The following BLTP2 variants were observed in gnomAD, a reference collection of about 807,000 sequenced individuals.
The protein encoded by BLTP2 is bridge-like lipid transfer protein family member 2.
chr17:28,644,910 C>G, the BLTP2 span: 1 of 1,303,200 alleles, frequency 7.7e-7, no homozygotes. Context: ...CGCGCGCCCC[C>G]TCCTCAGTCT....
the BLTP2 span, among the ~76,000 whole-genome samples, chr17:28,631,221 G>A: frequency 6.0e-4 from 91 of 152,260 alleles, 5 homozygotes; most frequent in East Asian, 7.7e-3. Flanking sequence ...CAGAGCACTC[G>A]TGCACACTTG....
At chr17:28,616,312 C>G in the BLTP2 span, 1 of 1,611,362 alleles carries the variant, frequency 6.2e-7, no homozygotes, top group Non-Finnish European at 8.5e-7. This position sits in a 1 kb window ranked among gnomAD's most constrained non-coding sequence, Gnocchi z 4.8. Flanking sequence ...CCGAAGAAAT[C>G]CCAAGCCACA....
At chr17:28,642,403 G>A in the BLTP2 span, 2 of 1,360,260 alleles carry the variant, frequency 1.5e-6, no homozygotes, top group African/African-American at 1.4e-5. Flanking sequence ...TGTAACCCCA[G>A]CACTTTGGGA....
At chr17:28,618,279 T>A in the BLTP2 span, among the ~76,000 whole-genome samples, 2 of 151,618 alleles carry the variant, frequency 1.3e-5, no homozygotes, top group African/African-American at 2.4e-5. Context: ...AGAGACAGGG[T>A]CTCACTCTGT....
the BLTP2 span, among the ~76,000 whole-genome samples, chr17:28,636,523 CAA>C: frequency 6.6e-6 from 1 of 152,136 alleles, no homozygotes; most frequent in Non-Finnish European, 1.5e-5. Flanking sequence ...TTACCTACTT[CAA>C]AATAATCCCA....
At chr17:28,622,618 A>G in the BLTP2 span, among the ~76,000 whole-genome samples, 1 of 152,098 alleles carries the variant, frequency 6.6e-6, no homozygotes, top group African/African-American at 2.4e-5. Context: ...TAATCAATAG[A>G]CTCTCCAATA....
At chr17:28,634,808 G>A in the BLTP2 span, 1 of 1,613,704 alleles carries the variant, frequency 6.2e-7, no homozygotes, top group Non-Finnish European at 8.5e-7. Context: ...TTGCGGGCAG[G>A]CAACAACTCC....
chr17:28,641,044 TAG>T, the BLTP2 span, among the ~76,000 whole-genome samples: 1 of 152,224 alleles, frequency 6.6e-6, no homozygotes, highest in African/African-American at 2.4e-5. Context: ...AGGATTTAGT[TAG>T]AGAATATACA....
At chr17:28,642,834 T>C in the BLTP2 span, 4 of 1,214,336 alleles carry the variant, frequency 3.3e-6, no homozygotes, top group South Asian at 2.4e-5. Flanking sequence ...GAGGCAAGAA[T>C]AGGACGGCTA....
the BLTP2 span, chr17:28,639,014 C>T: frequency 1.7e-3 from 803 of 475,826 alleles, 8 homozygotes; most frequent in African/African-American, 0.015. Context: ...TGACTGCCAC[C>T]TTACAATCAA....
chr17:28,641,997 T>G, the BLTP2 span: 1 of 1,614,090 alleles, frequency 6.2e-7, no homozygotes, highest in Admixed American at 1.7e-5. Context: ...TCCACAGTGA[T>G]AGCAGTGAGA....
chr17:28,635,555 G>T, the BLTP2 span: 19 of 1,614,132 alleles, frequency 1.2e-5, no homozygotes, highest in Non-Finnish European at 1.6e-5. Context: ...TGCTGGTACA[G>T]GTACATGTGA....
At chr17:28,620,080 TAG>T in the BLTP2 span, 3 of 1,459,948 alleles carry the variant, frequency 2.1e-6, no homozygotes, top group South Asian at 3.8e-5. Context: ...TAAAGTGAAA[TAG>T]AGAAAGGAGA....
At chr17:28,616,930 G>C in the BLTP2 span, 1 of 1,613,956 alleles carries the variant, frequency 6.2e-7, no homozygotes, top group Admixed American at 1.7e-5. The surrounding 1 kb of genome is among the most constrained non-coding windows in gnomAD (Gnocchi z 4.8). Flanking sequence ...ACAGGGGGCC[G>C]AACTTTGCTG....
At chr17:28,624,418 G>C in the BLTP2 span, 1 of 1,601,204 alleles carries the variant, frequency 6.2e-7, no homozygotes, top group Middle Eastern at 1.7e-4. Flanking sequence ...AGCAGGGAAA[G>C]GTCACAGTCT....
At chr17:28,629,003 G>C in the BLTP2 span, among the ~76,000 whole-genome samples, 4 of 151,378 alleles carry the variant, frequency 2.6e-5, no homozygotes, top group Non-Finnish European at 5.9e-5. Flanking sequence ...AAGTGGTCTT[G>C]GCTTTTATAT....
chr17:28,633,853 C>A, the BLTP2 span: 1 of 1,608,300 alleles, frequency 6.2e-7, no homozygotes, highest in Non-Finnish European at 8.5e-7. Context: ...TCACCCATCA[C>A]AAACGTCCCT....
At chr17:28,625,028 TCA>T in the BLTP2 span, among the ~76,000 whole-genome samples, 1 of 152,122 alleles carries the variant, frequency 6.6e-6, no homozygotes, top group East Asian at 1.9e-4. Context: ...AGTAACTCTC[TCA>T]TGAGATTGCT....
chr17:28,623,000 G>A, the BLTP2 span, among the ~76,000 whole-genome samples: 4 of 152,072 alleles, frequency 2.6e-5, no homozygotes, highest in Non-Finnish European at 4.4e-5. Flanking sequence ...GCTTGAACCC[G>A]GGAGGCAGAG....
Sources: gnomAD v4.1 joint callset for allele counts (sites outside exome capture counted in the v4.1 genomes callset) on GRCh38, gnomAD v4.1.1 for gene constraint, Gnocchi (gnomAD v3.1) non-coding constraint, MANE v1.5 for transcripts, NCBI Gene and HGNC (gene_info 2026-07-23, HGNC 2026-07-21) for gene names.